PLXDC2: variants seen among roughly 807,000 people sequenced by gnomAD.
PLXDC2 encodes plexin domain-containing protein 2.
In PLXDC2, 40 loss-of-function variants were observed where a neutral mutation model predicts 68.9. The ratio of observed to expected loss-of-function variants is 0.58; its 90% CI spans 0.45 to 0.76. The LOEUF (loss-of-function observed/expected upper bound fraction) is 0.76. PLXDC2 is among the 30% of genes least tolerant of loss of function. The probability of loss-of-function intolerance (pLI) is 0.00; values close to 1 mark genes in which losing one functional copy is unlikely to be tolerated. For synonymous variants in PLXDC2, 243 were observed against 234.2 expected, an observed-to-expected ratio of 1.04 and a Z score of -0.34; for missense variants, 644 against 661.9, an observed-to-expected ratio of 0.97 and a Z score of 0.30.
At chr10:20,020,178 A>ATTTTTTTTTTTTT (rs71388889) in intron 2 of PLXDC2, among the ~76,000 whole-genome samples, 23 of 107,330 alleles carry the variant, frequency 2.1e-4, no homozygotes, top group African/African-American at 5.8e-4. Flanking sequence ...CACCCAGCAA[A>ATTTTTTTTTTTTT]TTTTTTTTTT....
intron 7 of PLXDC2, among the ~76,000 whole-genome samples, chr10:20,176,155 C>T (rs1328949522): frequency 1.3e-5 from 2 of 152,054 alleles, no homozygotes; most frequent in African/African-American, 4.8e-5. Flanking sequence ...CTACATCGTG[C>T]AATATAAATG....
intron 4 of PLXDC2, among the ~76,000 whole-genome samples, chr10:20,116,857 A>G (rs2131754486): frequency 6.6e-6 from 1 of 152,274 alleles, no homozygotes; most frequent in Admixed American, 6.5e-5. Flanking sequence ...TTATTGCCTA[A>G]TTGCAAGTAA....
At chr10:19,854,126 A>G (rs1837170564) in intron 1 of PLXDC2, among the ~76,000 whole-genome samples, 2 of 152,174 alleles carry the variant, frequency 1.3e-5, no homozygotes, top group South Asian at 2.1e-4. Context: ...GGTGTCTTAC[A>G]TGTGCTATCA....
intron 12 of PLXDC2, among the ~76,000 whole-genome samples, chr10:20,238,677 G>GTATATATATATATATATATACA: frequency 1.3e-5 from 1 of 76,906 alleles, no homozygotes; most frequent in South Asian, 4.0e-4. Context: ...ATATATATAT[G>GTATATATATATATATATATACA]TATATATATA....
intron 9 of PLXDC2, among the ~76,000 whole-genome samples, chr10:20,186,768 A>G (rs149005053): frequency 7.9e-5 from 12 of 152,072 alleles, no homozygotes; most frequent in African/African-American, 2.9e-4. Flanking sequence ...ATGGCTGCGT[A>G]GTATTCCATC....
At chr10:19,855,499 T>C (rs1205707011) in intron 1 of PLXDC2, among the ~76,000 whole-genome samples, 1 of 152,224 alleles carries the variant, frequency 6.6e-6, no homozygotes, top group South Asian at 2.1e-4. Flanking sequence ...TAGTACAGAT[T>C]GAATGTTCTT....
chr10:19,882,948 T>TTTC (rs1837756617), intron 1 of PLXDC2, among the ~76,000 whole-genome samples: 1 of 129,892 alleles, frequency 7.7e-6, no homozygotes, highest in Non-Finnish European at 1.6e-5. Context: ...TTTTTTTTTT[T>TTTC]TTTCCTTTCT....
At chr10:20,151,127 A>G (rs567013641) in intron 6 of PLXDC2, among the ~76,000 whole-genome samples, 3 of 152,250 alleles carry the variant, frequency 2.0e-5, no homozygotes, top group African/African-American at 7.2e-5. Flanking sequence ...TTGCTTCCCA[A>G]TAATTGTTAT....
At chr10:19,849,921 G>A (rs1380908633) in intron 1 of PLXDC2, among the ~76,000 whole-genome samples, 1 of 152,128 alleles carries the variant, frequency 6.6e-6, no homozygotes, top group African/African-American at 2.4e-5. Context: ...CTAAAGGGAG[G>A]TCTGCTTCAC....
intron 4 of PLXDC2, among the ~76,000 whole-genome samples, chr10:20,094,683 A>G (rs1340758743): frequency 6.6e-6 from 1 of 152,164 alleles, no homozygotes; most frequent in African/African-American, 2.4e-5. Flanking sequence ...TAAAAGGTCA[A>G]TATGATCTTG....
chr10:19,913,627 A>G (rs1392632538), intron 1 of PLXDC2, among the ~76,000 whole-genome samples: 1 of 152,050 alleles, frequency 6.6e-6, no homozygotes, highest in Non-Finnish European at 1.5e-5. Flanking sequence ...GAATGTGTAA[A>G]TCTCTCGCTT....
chr10:19,842,458 A>C (rs903852769), intron 1 of PLXDC2, among the ~76,000 whole-genome samples: 1 of 152,134 alleles, frequency 6.6e-6, no homozygotes, highest in Non-Finnish European at 1.5e-5. Flanking sequence ...CTGTCCTTTC[A>C]TAAGAAGTGT....
chr10:19,947,402 T>A (rs1413961834), intron 1 of PLXDC2, among the ~76,000 whole-genome samples: 1 of 152,208 alleles, frequency 6.6e-6, no homozygotes, highest in African/African-American at 2.4e-5. Context: ...CAGGTTTGAA[T>A]CCTGACCCCG....
At chr10:20,268,061 G>A (rs1835893619) in intron 13 of PLXDC2, among the ~76,000 whole-genome samples, 1 of 152,062 alleles carries the variant, frequency 6.6e-6, no homozygotes. Flanking sequence ...ACTGTTATTA[G>A]TCAGTTATAA....
chr10:20,175,827 A>T (rs1834519265), intron 7 of PLXDC2, among the ~76,000 whole-genome samples: 1 of 152,122 alleles, frequency 6.6e-6, no homozygotes, highest in African/African-American at 2.4e-5. Flanking sequence ...CTGTCTCAAA[A>T]ATAAAAATAA....
In PLXDC2 at chr10:19,816,853, A is replaced by G. The variant is rs1048812200; in HGVS notation, c.-227A>G. 1 of 571,098 alleles carries G rather than the reference A, an allele frequency of 1.8e-6. No homozygotes were observed. The highest frequency in any genetic ancestry group is 1.9e-5 in the African/African-American group (1 of 53,158). The allele number at this position is 571,098 out of a possible 1,614,324, so 35.4% of individuals were successfully genotyped here. A position where few individuals can be genotyped will look rare whatever the true frequency, so the allele number is the denominator to read the frequency against. On this transcript the variant is annotated 5_prime_UTR_variant, in exon 1 of 14. Coordinates refer to ENST00000377252, the MANE Select transcript of PLXDC2 (RefSeq NM_032812.9). ...GTCGGGTGAGGGCTGCGAGTGTGGCAAGTTGCAAAGAGAGCCTCAGAGGTC... is the reference window on the plus strand; with the variant it reads ...GTCGGGTGAGGGCTGCGAGTGTGGCGAGTTGCAAAGAGAGCCTCAGAGGTC...
At chr10:20,203,842 A>T (rs1484366617) in intron 9 of PLXDC2, among the ~76,000 whole-genome samples, 8 of 152,194 alleles carry the variant, frequency 5.3e-5, no homozygotes, top group Admixed American at 2.0e-4. Flanking sequence ...TCTGAAACTC[A>T]TCTCTAAAGC....
intron 9 of PLXDC2, among the ~76,000 whole-genome samples, chr10:20,184,775 A>G (rs1366457364): frequency 6.6e-6 from 1 of 151,934 alleles, no homozygotes; most frequent in Non-Finnish European, 1.5e-5. Context: ...TTTTGTCTCT[A>G]TGTGCCCCTT....
chr10:20,122,271 G>T (rs1226135818), intron 4 of PLXDC2, among the ~76,000 whole-genome samples: 1 of 152,162 alleles, frequency 6.6e-6, no homozygotes, highest in East Asian at 1.9e-4. Flanking sequence ...ATGGAAGCAA[G>T]GGAAACAGGC....
Sources: allele counts gnomAD v4.1 joint callset (sites outside exome capture counted in the v4.1 genomes callset), GRCh38; gene constraint gnomAD v4.1.1; transcripts MANE v1.5; gene names NCBI Gene and HGNC (gene_info 2026-07-23, HGNC 2026-07-21).